Variants in MGME1 observed in about 807,000 individuals in gnomAD.
MGME1 encodes chromosome 20 open reading frame 72.
In MGME1, 22 loss-of-function variants were observed where a neutral mutation model predicts 33.0. The observed-to-expected ratio is 0.67, with a 90% CI of 0.48 to 0.95. The LOEUF (loss-of-function observed/expected upper bound fraction) is 0.95. Among genes scored for constraint, MGME1 ranks in the 40% least tolerant of loss-of-function variants. The pLI is 0.00. For synonymous variants in MGME1, 133 were observed against 144.0 expected (o/e 0.92, Z 0.55); for missense variants, 383 against 397.8 (o/e 0.96, Z 0.32).
intron 3 of MGME1, among the ~76,000 whole-genome samples, chr20:17,984,129 C>T (rs914585511): frequency 9.2e-5 from 14 of 152,158 alleles, no homozygotes; most frequent in Middle Eastern, 3.4e-3. Flanking sequence ...TTATGCAAGT[C>T]GATACCCAGT....
intron 2 of MGME1, among the ~76,000 whole-genome samples, chr20:17,973,213 G>C (rs796455688): frequency 6.6e-6 from 1 of 151,994 alleles, no homozygotes; most frequent in Non-Finnish European, 1.5e-5. Context: ...CGGGCGCAGC[G>C]ATCACTTGTA....
intron 2 of MGME1, among the ~76,000 whole-genome samples, chr20:17,972,460 C>T (rs547825680): frequency 9.2e-5 from 13 of 140,760 alleles, no homozygotes; most frequent in East Asian, 2.1e-4. Context: ...TTTTTTGCTA[C>T]GCTGATTTAA....
Position 17,990,165 on chromosome 20 carries a change from A to G in MGME1, c.*56A>G. The stretch of plus-strand genomic sequence containing the variant: ...ACCTTCTCACAGTTTGGGAACATAT[A>G]TTGCTGTTTACTCCAGTGTAAAAAT... On this transcript the variant is annotated 3_prime_UTR_variant, in exon 5 of 5. Transcript: ENST00000377710. 6.7e-7 allele frequency: 1 copy of G among 1,496,214 alleles called. No individual in the cohort carries two copies. The highest frequency in any genetic ancestry group is 9.3e-7 in the Non-Finnish European group (1 of 1,074,086). 92.7% of individuals were successfully genotyped at this position (1,496,214 alleles called of 1,614,324 possible).
In MGME1 at chr20:17,976,727, T is replaced by C. The variant is rs2035878785; in HGVS notation, c.731+824T>C. On this transcript the variant is annotated intron_variant, in intron 3 of 4. Transcript: ENST00000377710. ...CCCAGGCTGGAGTGCAGTGGTGCGA[T>C]TTCAGCTCACTGCAACCTCCATCTC... is the stretch of plus-strand genomic sequence containing the variant. 2.6e-5 allele frequency among the ~76,000 whole-genome samples: 4 copies of C among 152,206 alleles called. 1 individual carries two copies. In the South Asian group the frequency reaches 8.3e-4, roughly 32 times the overall value.
chr20:17,989,550 A>G (rs1568618561), intron 4 of MGME1, among the ~76,000 whole-genome samples: 1 of 151,632 alleles, frequency 6.6e-6, no homozygotes, highest in Non-Finnish European at 1.5e-5. Flanking sequence ...CTCCATCATT[A>G]CTAAAAATAG....
chr20:17,972,731 A>G (rs921013983), intron 2 of MGME1: 4 of 985,436 alleles, frequency 4.1e-6, no homozygotes, highest in Non-Finnish European at 4.8e-6. Flanking sequence ...GATCATGTGT[A>G]TATGAAGAAC....
At chr20:17,989,388 C>CAAATAAATAAAGAAAT (rs2036234906) in intron 4 of MGME1, among the ~76,000 whole-genome samples, 1 of 142,364 alleles carries the variant, frequency 7.0e-6, no homozygotes, top group African/African-American at 2.7e-5. Context: ...TGTCTCTCTC[C>CAAATAAATAAAGAAAT]AAATAAATAA....
intron 3 of MGME1, among the ~76,000 whole-genome samples, chr20:17,979,344 G>A (rs1267438552): frequency 6.6e-6 from 1 of 152,064 alleles, no homozygotes; most frequent in African/African-American, 2.4e-5. Context: ...CTCCCAAAGT[G>A]CTGGGATTTA....
At chr20:17,981,100 T>C (rs943237125) in intron 3 of MGME1, among the ~76,000 whole-genome samples, 1 of 152,202 alleles carries the variant, frequency 6.6e-6, no homozygotes, top group Non-Finnish European at 1.5e-5. Context: ...TTTTCTTTTT[T>C]TAATGACCAA....
intron 3 of MGME1, among the ~76,000 whole-genome samples, chr20:17,977,929 C>T (rs764136183): frequency 5.9e-5 from 9 of 152,098 alleles, no homozygotes; most frequent in Non-Finnish European, 7.4e-5. Flanking sequence ...ATAAGGCAAG[C>T]GATCACTAAG....
intron 4 of MGME1, 90 bp from the exon 5 acceptor site, chr20:17,989,849 A>G (rs2036248123): frequency 2.5e-6 from 3 of 1,197,622 alleles, no homozygotes; most frequent in East Asian, 2.3e-5. Flanking sequence ...AGATTATTTT[A>G]TACTGAGTTT....
chr20:17,991,007 G>A lies in MGME1; in HGVS notation c.*898G>A, dbSNP rs1449649569. 1 of 152,188 alleles carries A rather than the reference G, an allele frequency of 6.6e-6. No homozygotes were observed. Among genetic ancestry groups the A allele is most frequent in the African/African-American group, 2.4e-5 (1 of 41,452 alleles). 9.4% of individuals were successfully genotyped at this position (152,188 alleles called of 1,614,324 possible). On this transcript the variant is annotated 3_prime_UTR_variant, in exon 5 of 5. Coordinates refer to ENST00000377710, the MANE Select transcript of MGME1 (RefSeq NM_052865.4). The stretch of plus-strand genomic sequence containing the variant: ...CTGGGGAAGGGTTTTCTGTCTTATG[G>A]AGTGAGTCTTAGCATTTAAGTTATA...
chr20:17,969,699 A>T, intron 1 of MGME1, 102 bp from the exon 2 acceptor site: 3 of 695,906 alleles, frequency 4.3e-6, no homozygotes, highest in Non-Finnish European at 6.8e-6. Context: ...CGACTTTCTT[A>T]AGAAAGGGCT....
At position 17,990,828 on chromosome 20, in the gene MGME1, T is replaced by G. The variant is rs2036282384; in HGVS notation, c.*719T>G. The G allele has an allele frequency of 6.6e-6, 1 of 152,172 alleles. No individual in the cohort carries two copies. Among genetic ancestry groups the G allele is most frequent in the South Asian group, 2.1e-4 (1 of 4,834 alleles). The allele number at this position is 152,172 out of a possible 1,614,324, so 9.4% of individuals were successfully genotyped here. A position where few individuals can be genotyped will look rare whatever the true frequency, so the allele number is the denominator to read the frequency against. The stretch of plus-strand genomic sequence containing the variant: ...AGTGTTTTAGTAACTATTTCTGGCG[T>G]GAGTCAACAGATCATGTAGATAGAG... On this transcript the variant is annotated 3_prime_UTR_variant, in exon 5 of 5. Transcript: ENST00000377710.
At chr20:17,982,151 G>C (rs1197049037) in intron 3 of MGME1, among the ~76,000 whole-genome samples, 1 of 152,008 alleles carries the variant, frequency 6.6e-6, no homozygotes, top group Non-Finnish European at 1.5e-5. Flanking sequence ...TTCTTGAGAC[G>C]GAGTTTCACC....
chr20:17,977,296 A>C lies in MGME1; in HGVS notation c.731+1393A>C, dbSNP rs1600388382. Among the ~76,000 whole-genome samples, 7 of 152,044 alleles carry C rather than the reference A, an allele frequency of 4.6e-5. No individual in the cohort carries two copies. The South Asian group carries it at 1.5e-3, about 32-fold the overall frequency. ...GAGTCTGAGGCAGGAGAATCACTTT[A>C]ACCCGGGAGGCAGAAGTTGCAGTGA... On this transcript the variant is annotated intron_variant, in intron 3 of 4. Coordinates refer to ENST00000377710, the MANE Select transcript of MGME1 (RefSeq NM_052865.4).
At chr20:17,988,778 T>G (rs2036218725) in intron 4 of MGME1, among the ~76,000 whole-genome samples, 1 of 152,014 alleles carries the variant, frequency 6.6e-6, no homozygotes. Context: ...TCCCATTGCT[T>G]AACGTCTTCC....
Position 17,990,100 on chromosome 20 carries a change from T to C in MGME1, c.1026T>C (p.Tyr342=), listed in dbSNP as rs761202176. The C allele has an allele frequency of 2.5e-6, 4 of 1,613,944 alleles. No individual in the cohort carries two copies. Among genetic ancestry groups the C allele is most frequent in the Admixed American group, 1.7e-5 (1 of 60,000 alleles). The change falls in exon 5 of 5, where the codon TAT becomes TAC. Residue 342 remains tyrosine (Y), a synonymous_variant. Transcript: ENST00000377710. ...ACCAGAATATTCAGAAACCAGAATATTCAGAATAGGGAGCAAGTTGCTATT... is the reference window on the plus strand; with the variant it reads ...ACCAGAATATTCAGAAACCAGAATACTCAGAATAGGGAGCAAGTTGCTATT... ...KKNQNIQKPE[Y]SE
At position 17,969,930 on chromosome 20, in the gene MGME1, C is replaced by T. The variant is rs556539910; in HGVS notation, c.71C>T (p.Ala24Val). The T allele has an allele frequency of 8.1e-6, 13 of 1,614,002 alleles. No individual in the cohort carries two copies. The highest frequency in any genetic ancestry group is 1.1e-5 in the Non-Finnish European group (13 of 1,179,992). ...TCAAAGTTTTCTGTGGAATCAGCTGCCCTTGTGGCTTTCTCTACTTCCTCT... is the reference window on the plus strand; with the variant it reads ...TCAAAGTTTTCTGTGGAATCAGCTGTCCTTGTGGCTTTCTCTACTTCCTCT... ...RSSKFSVESA[A>V]LVAFSTSSYS... is the part of the protein sequence containing the mutation. Residue 24 changes from alanine (A) to valine (V), a missense_variant, in exon 2 of 5, where the codon GCC (alanine) becomes GTC (valine). By Grantham distance (64) the Ala-to-Val change is moderately conservative (BLOSUM62 0). Coordinates refer to ENST00000377710, the MANE Select transcript of MGME1 (RefSeq NM_052865.4).
Sources: allele counts gnomAD v4.1 joint callset (sites outside exome capture counted in the v4.1 genomes callset), GRCh38; gene constraint gnomAD v4.1.1; transcripts MANE v1.5; gene names NCBI Gene and HGNC (gene_info 2026-07-23, HGNC 2026-07-21).